Variants in COX10 observed in about 807,000 individuals in gnomAD.
COX10 encodes protoheme IX farnesyltransferase, mitochondrial.
In COX10, 27 loss-of-function variants were observed where a neutral mutation model predicts 37.3. The observed-to-expected ratio is 0.72, with a 90% confidence interval of 0.53 to 1.00. The LOEUF (loss-of-function observed/expected upper bound fraction) is 1.00. Among genes scored for constraint, COX10 ranks in the 50% least tolerant of loss-of-function variants. COX10 has a pLI of 0.00. For synonymous variants in COX10, 222 were observed against 229.1 expected (o/e 0.97, Z 0.28); for missense variants, 475 against 563.2 (o/e 0.84, Z 1.59).
At chr17:14,149,711 T>C (rs1389445810) in intron 4 of COX10, among the ~76,000 whole-genome samples, 1 of 152,178 alleles carries the variant, frequency 6.6e-6, no homozygotes, top group Non-Finnish European at 1.5e-5. Context: ...ACCAAGCCAA[T>C]TTAAGAGATG....
At chr17:14,202,096 T>C (rs955314803) in intron 6 of COX10, among the ~76,000 whole-genome samples, 1 of 151,434 alleles carries the variant, frequency 6.6e-6, no homozygotes, top group Non-Finnish European at 1.5e-5. Context: ...CTCTCTCTTT[T>C]TTTTTTTTTA....
chr17:14,069,767 C>T (rs372133869), intron 1 of COX10, 119 bp downstream of exon 1: 1 of 1,220,744 alleles, frequency 8.2e-7, no homozygotes, highest in South Asian at 1.3e-5. Context: ...GGCCGGCCAC[C>T]GGTGTGGTGG....
At chr17:14,071,292 G>T (rs1915016580) in intron 1 of COX10, among the ~76,000 whole-genome samples, 2 of 152,160 alleles carry the variant, frequency 1.3e-5, no homozygotes, top group African/African-American at 4.8e-5. Flanking sequence ...CCAGTAGGTG[G>T]GCTGCATGTG....
At chr17:14,110,837 C>G (rs1197945029) in intron 4 of COX10, among the ~76,000 whole-genome samples, 2 of 148,742 alleles carry the variant, frequency 1.3e-5, no homozygotes, top group East Asian at 3.9e-4. Context: ...TTGTCTCATA[C>G]TCTCTTTGCC....
At chr17:14,072,807 T>C (rs1465682820) in intron 1 of COX10, among the ~76,000 whole-genome samples, 1 of 152,228 alleles carries the variant, frequency 6.6e-6, no homozygotes, top group East Asian at 1.9e-4. Context: ...CTGTGTGGGC[T>C]ATCTAGTCAT....
At chr17:14,161,213 T>A (rs1905164361) in intron 5 of COX10, among the ~76,000 whole-genome samples, 1 of 152,180 alleles carries the variant, frequency 6.6e-6, no homozygotes, top group Non-Finnish European at 1.5e-5. Context: ...GCTGTTGTAA[T>A]TGGCAACACT....
chr17:14,151,736 A>G (rs1453370641), intron 4 of COX10, among the ~76,000 whole-genome samples: 1 of 152,248 alleles, frequency 6.6e-6, no homozygotes. Context: ...TATTCCAAAT[A>G]CTTACACATT....
At chr17:14,133,484 T>C (rs1358407206) in intron 4 of COX10, among the ~76,000 whole-genome samples, 1 of 151,672 alleles carries the variant, frequency 6.6e-6, no homozygotes, top group Non-Finnish European at 1.5e-5. Flanking sequence ...ATGTCTATTT[T>C]TGCATGACCC....
At chr17:14,130,166 G>C (rs931949376) in intron 4 of COX10, among the ~76,000 whole-genome samples, 2 of 152,132 alleles carry the variant, frequency 1.3e-5, no homozygotes, top group Non-Finnish European at 2.9e-5. Flanking sequence ...TATCTTAGAG[G>C]TGATTGTATT....
chr17:14,176,676 A>G (rs2260442), intron 5 of COX10, among the ~76,000 whole-genome samples: 4 of 152,114 alleles, frequency 2.6e-5, no homozygotes, highest in African/African-American at 7.2e-5. Flanking sequence ...AATTTTGAAT[A>G]TAATATAGTT....
intron 4 of COX10, among the ~76,000 whole-genome samples, chr17:14,104,345 T>C (rs975365077): frequency 3.3e-5 from 5 of 152,178 alleles, no homozygotes; most frequent in Non-Finnish European, 5.9e-5. Flanking sequence ...GGCAATCTTA[T>C]ACATTTAAAA....
chr17:14,129,199 C>T (rs1407999474), intron 4 of COX10, among the ~76,000 whole-genome samples: 1 of 150,144 alleles, frequency 6.7e-6, no homozygotes, highest in African/African-American at 2.4e-5. Flanking sequence ...AAAAAATCTT[C>T]CTTTTTAGAT....
chr17:14,163,899 T>C (rs1905222917), intron 5 of COX10, among the ~76,000 whole-genome samples: 1 of 152,208 alleles, frequency 6.6e-6, no homozygotes, highest in Non-Finnish European at 1.5e-5. Context: ...ATTCACTCTA[T>C]GCTATGTATT....
chr17:14,148,173 A>G (rs994929082), intron 4 of COX10, among the ~76,000 whole-genome samples: 3 of 152,200 alleles, frequency 2.0e-5, no homozygotes, highest in Admixed American at 6.5e-5. Flanking sequence ...AGAGGAGAAC[A>G]TTGCCCCAGT....
intron 4 of COX10, among the ~76,000 whole-genome samples, chr17:14,104,342 TTATACATTTAAAA>T (rs1306199530): frequency 6.6e-6 from 1 of 152,176 alleles, no homozygotes; most frequent in African/African-American, 2.4e-5. Context: ...TTAGGCAATC[TTATACATTTAAAA>T]TAAAGGAATG....
At chr17:14,094,382 G>A (rs941623286) in intron 3 of COX10, among the ~76,000 whole-genome samples, 8 of 151,810 alleles carry the variant, frequency 5.3e-5, no homozygotes, top group African/African-American at 7.3e-5. Context: ...TTTAAGATAT[G>A]CAAAATGTGG....
chr17:14,204,669 A>T (rs1906641154), intron 6 of COX10, among the ~76,000 whole-genome samples: 1 of 151,912 alleles, frequency 6.6e-6, no homozygotes, highest in Non-Finnish European at 1.5e-5. Flanking sequence ...AAATAGTATC[A>T]CTTAGCACTG....
At chr17:14,138,075 G>A (rs1013224948) in intron 4 of COX10, among the ~76,000 whole-genome samples, 1 of 151,230 alleles carries the variant, frequency 6.6e-6, no homozygotes, top group Non-Finnish European at 1.5e-5. Flanking sequence ...CGTCATTAAA[G>A]GGACACACAT....
chr17:14,186,831 CACAT>C (rs1567610495), intron 5 of COX10, among the ~76,000 whole-genome samples: 1 of 152,078 alleles, frequency 6.6e-6, no homozygotes, highest in African/African-American at 2.4e-5. Context: ...CAGTGTGCCC[CACAT>C]ACAGTTGGGA....
Sources: gnomAD v4.1 joint callset for allele counts (sites outside exome capture counted in the v4.1 genomes callset) on GRCh38, gnomAD v4.1.1 for gene constraint, MANE v1.5 for transcripts, NCBI Gene and HGNC (gene_info 2026-07-23, HGNC 2026-07-21) for gene names.